FAM135B: variants seen among roughly 807,000 people sequenced by gnomAD.
The protein encoded by FAM135B is family with sequence similarity 135 member B.
FAM135B carries 43 observed loss-of-function variants against 127.7 expected under a neutral mutation model. That is an observed-to-expected ratio of 0.34 (90% CI 0.26 to 0.43). The LOEUF is 0.43. FAM135B is among the 20% of genes least tolerant of loss of function. The probability of loss-of-function intolerance (pLI) is 1.00; values close to 1 mark genes in which losing one functional copy is unlikely to be tolerated. For missense variants in FAM135B, 1,558 were observed against 1,725.6 expected, an observed-to-expected ratio of 0.90 and a Z score of 1.72; for synonymous variants, 670 against 665.1, an observed-to-expected ratio of 1.01 and a Z score of -0.11.
chr8:138,488,094 G>A (rs1815055398), intron 1 of FAM135B, among the ~76,000 whole-genome samples: 1 of 152,124 alleles, frequency 6.6e-6, no homozygotes, highest in African/African-American at 2.4e-5. Flanking sequence ...CCAGCAGCAA[G>A]CAACCAGCCT....
chr8:138,390,063 C>A (rs1385634312), intron 1 of FAM135B, among the ~76,000 whole-genome samples: 3 of 152,166 alleles, frequency 2.0e-5, no homozygotes, highest in African/African-American at 7.2e-5. Flanking sequence ...TCTTGTTCAC[C>A]ATTTAGGATT....
chr8:138,343,914 T>C (rs1829223492), intron 2 of FAM135B, among the ~76,000 whole-genome samples: 1 of 152,194 alleles, frequency 6.6e-6, no homozygotes, highest in Non-Finnish European at 1.5e-5. Flanking sequence ...GCTCCTTTCT[T>C]TCCATGGCCC....
intron 1 of FAM135B, among the ~76,000 whole-genome samples, chr8:138,456,572 G>A (rs879517128): frequency 6.6e-6 from 1 of 152,072 alleles, no homozygotes; most frequent in Non-Finnish European, 1.5e-5. Flanking sequence ...GAGGCTCGTG[G>A]GTGGTGGGTT....
At chr8:138,418,392 T>G (rs1162447496) in intron 1 of FAM135B, among the ~76,000 whole-genome samples, 1 of 151,974 alleles carries the variant, frequency 6.6e-6, no homozygotes, top group Non-Finnish European at 1.5e-5. Flanking sequence ...CCATAAAATT[T>G]CCCCAACCTT....
At chr8:138,458,146 C>T (rs1836909869) in intron 1 of FAM135B, among the ~76,000 whole-genome samples, 1 of 152,040 alleles carries the variant, frequency 6.6e-6, no homozygotes, top group Non-Finnish European at 1.5e-5. Context: ...AAAGAGACTC[C>T]ATCTCAAATA....
In FAM135B at chr8:138,241,047, G is replaced by A. The variant is rs1349706871; in HGVS notation, c.669+1895C>T. Among the ~76,000 whole-genome samples, 2 of 152,246 alleles carry A rather than the reference G, an allele frequency of 1.3e-5. No homozygotes were observed. The highest frequency in any genetic ancestry group is 2.9e-5 in the Non-Finnish European group (2 of 68,028). On this transcript the variant is annotated intron_variant, in intron 7 of 19. Coordinates refer to ENST00000395297, the MANE Select transcript of FAM135B (RefSeq NM_015912.4). This position sits in a 1 kb window ranked among gnomAD's most constrained non-coding sequence, Gnocchi z 4.8. ...AATGGGGTCTACTGAAACTCTGGGT[G>A]CCAGCCCACGTGGGGGCTGAAGGAA...
In FAM135B at chr8:138,151,575, G is replaced by A. The variant is rs370217597; in HGVS notation, c.2900C>T (p.Ala967Val). Reference protein sequence around the residue: ...SGSPCIMDDTAFNRGVNAFPE... With the variant: ...SGSPCIMDDTVFNRGVNAFPE... The stretch of plus-strand genomic sequence containing the variant: ...GAAGGCATTCACTCCTCTATTAAAT[G>A]CTGTGTCATCCATAATGCAAGGTGA... The change falls in exon 13 of 20, where the codon GCA becomes GTA. Residue 967 changes from alanine to valine, a missense_variant. Coordinates refer to ENST00000395297, the MANE Select transcript of FAM135B (RefSeq NM_015912.4). 1 of 1,614,222 alleles carries A rather than the reference G, an allele frequency of 6.2e-7. No individual in the cohort carries two copies. Among genetic ancestry groups the A allele is most frequent in the Admixed American group, 1.7e-5 (1 of 60,028 alleles).
intron 1 of FAM135B, among the ~76,000 whole-genome samples, chr8:138,449,827 C>G (rs1214321489): frequency 6.6e-6 from 1 of 152,104 alleles, no homozygotes; most frequent in Admixed American, 6.6e-5. Flanking sequence ...TCATAATCCT[C>G]CAAAGTTCCG....
At chr8:138,367,840 T>C (rs1287921687) in intron 2 of FAM135B, 67 bp downstream of exon 2, 3 of 1,241,094 alleles carry the variant, frequency 2.4e-6, no homozygotes, top group Non-Finnish European at 3.5e-6. Context: ...CTCCACCTTC[T>C]TCCACGGAAA....
At chr8:138,477,687 G>T (rs1038304056) in intron 1 of FAM135B, among the ~76,000 whole-genome samples, 22 of 152,182 alleles carry the variant, frequency 1.4e-4, no homozygotes, top group African/African-American at 5.3e-4. Flanking sequence ...TACCCAGACA[G>T]GCACTTCCTC....
intron 7 of FAM135B, among the ~76,000 whole-genome samples, chr8:138,223,600 G>A (rs574894365): frequency 2.6e-5 from 4 of 152,318 alleles, no homozygotes; most frequent in Admixed American, 2.0e-4. Context: ...GAAAGATCAT[G>A]TGTTCTTAAG....
In FAM135B at chr8:138,370,593, G is replaced by A. The variant is rs555228702; in HGVS notation, c.-19-2591C>T. Among the ~76,000 whole-genome samples, 13 of 152,066 alleles carry A rather than the reference G, an allele frequency of 8.5e-5. No individual in the cohort carries two copies. In the Middle Eastern group the frequency reaches 0.014, roughly 159 times the overall value. ...AGCCTCCCGAGTAGCTGGGACTACA[G>A]GCACCCACCACCACGCCTGGCTAAT... is the stretch of plus-strand genomic sequence containing the variant. On this transcript the variant is annotated intron_variant, in intron 1 of 19. Coordinates refer to ENST00000395297, the MANE Select transcript of FAM135B (RefSeq NM_015912.4).
intron 11 of FAM135B, 145 bp from the exon 12 acceptor site, chr8:138,168,194 T>C (rs1018991658): frequency 5.4e-6 from 5 of 927,398 alleles, no homozygotes; most frequent in African/African-American, 1.7e-5. Flanking sequence ...TCCACCCACC[T>C]ACTTAGCCCC....
chr8:138,290,326 G>T (rs1040438033), intron 3 of FAM135B, among the ~76,000 whole-genome samples: 2 of 152,158 alleles, frequency 1.3e-5, no homozygotes, highest in Non-Finnish European at 2.9e-5. Context: ...GAAGAGAAAC[G>T]ATACAAAGAA....
chr8:138,285,539 C>T (rs1170441786), intron 3 of FAM135B, among the ~76,000 whole-genome samples: 3 of 152,096 alleles, frequency 2.0e-5, no homozygotes, highest in South Asian at 4.1e-4. Flanking sequence ...AGGACGTATA[C>T]AATAATATCA....
chr8:138,374,765 C>T (rs1831358857), intron 1 of FAM135B, among the ~76,000 whole-genome samples: 1 of 152,144 alleles, frequency 6.6e-6, no homozygotes, highest in Non-Finnish European at 1.5e-5. Context: ...CCAAGAAAGC[C>T]CTTTCTCCAC....
chr8:138,464,033 T>C (rs1837263551), intron 1 of FAM135B, among the ~76,000 whole-genome samples: 1 of 152,190 alleles, frequency 6.6e-6, no homozygotes, highest in Admixed American at 6.5e-5. Flanking sequence ...AAAAGGAGAA[T>C]GAGGCTGAGC....
chr8:138,165,763 G>A (rs16908400), intron 12 of FAM135B, among the ~76,000 whole-genome samples: 10,242 of 152,124 alleles, frequency 0.067, 610 homozygotes, highest in East Asian at 0.16. Flanking sequence ...CCTCACAGAA[G>A]AAAACGTCTC....
intron 13 of FAM135B, 86 bp from the exon 14 acceptor site, chr8:138,148,772 G>A (rs529831375): frequency 2.9e-6 from 3 of 1,025,018 alleles, no homozygotes; most frequent in African/African-American, 3.2e-5. Context: ...TAGAAGGGCT[G>A]AGCACCCACA....
Sources: gnomAD v4.1 joint callset for allele counts (sites outside exome capture counted in the v4.1 genomes callset) on GRCh38, gnomAD v4.1.1 for gene constraint, Gnocchi (gnomAD v3.1) non-coding constraint, MANE v1.5 for transcripts, NCBI Gene and HGNC (gene_info 2026-07-23, HGNC 2026-07-21) for gene names.